Variants in AFG2A observed in about 807,000 individuals in gnomAD.
AFG2A encodes the protein ATPase family gene 2 protein homolog A.
At chr4:122,933,344 G>T in the AFG2A span, 1 of 945,876 alleles carries the variant, frequency 1.1e-6, no homozygotes, top group Non-Finnish European at 1.6e-6. Flanking sequence ...TTTTGATTAA[G>T]TCTATATTAT....
chr4:123,188,189 T>G, the AFG2A span, among the ~76,000 whole-genome samples: 3 of 152,112 alleles, frequency 2.0e-5, no homozygotes, highest in African/African-American at 7.2e-5. Flanking sequence ...GTTAAAGATT[T>G]ATATATTTTA....
At chr4:123,001,181 T>A in the AFG2A span, among the ~76,000 whole-genome samples, 1 of 150,444 alleles carries the variant, frequency 6.6e-6, no homozygotes, top group Non-Finnish European at 1.5e-5. Flanking sequence ...TGCGTTTATT[T>A]GATTCTTCTC....
chr4:123,153,382 A>G, the AFG2A span, among the ~76,000 whole-genome samples: 9 of 152,210 alleles, frequency 5.9e-5, no homozygotes, highest in Admixed American at 2.0e-4. Flanking sequence ...TTGATAGAGC[A>G]TCTCACAGGG....
At chr4:123,024,198 C>T in the AFG2A span, among the ~76,000 whole-genome samples, 3 of 128,376 alleles carry the variant, frequency 2.3e-5, no homozygotes, top group Admixed American at 9.0e-5. Context: ...GGATCTAGAA[C>T]GAAAAGCGGT....
chr4:123,291,538 T>G, the AFG2A span, among the ~76,000 whole-genome samples: 2 of 152,214 alleles, frequency 1.3e-5, no homozygotes. Context: ...CCCTCAGCAT[T>G]TGCTTGTCTG....
chr4:123,154,377 A>G, the AFG2A span, among the ~76,000 whole-genome samples: 5 of 152,190 alleles, frequency 3.3e-5, no homozygotes, highest in Non-Finnish European at 5.9e-5. Flanking sequence ...ATATCCTTAT[A>G]AGCTCTTAAA....
the AFG2A span, among the ~76,000 whole-genome samples, chr4:123,173,340 G>GTTTTTTT: frequency 9.7e-4 from 68 of 70,308 alleles, 2 homozygotes; most frequent in African/African-American, 2.5e-3. Context: ...AAGTCCAATG[G>GTTTTTTT]TTTTTTTTTT....
chr4:122,965,322 A>G, the AFG2A span, among the ~76,000 whole-genome samples: 2 of 152,192 alleles, frequency 1.3e-5, no homozygotes, highest in Non-Finnish European at 1.5e-5. Context: ...GGACAAGATG[A>G]TGTTTGTTGT....
the AFG2A span, among the ~76,000 whole-genome samples, chr4:123,190,408 C>T: frequency 1.3e-5 from 2 of 152,142 alleles, no homozygotes; most frequent in East Asian, 1.9e-4. Context: ...AAGCAGTGTG[C>T]TTTTTGTATC....
chr4:123,001,863 A>G, the AFG2A span, among the ~76,000 whole-genome samples: 3 of 152,008 alleles, frequency 2.0e-5, no homozygotes, highest in Admixed American at 6.5e-5. Flanking sequence ...TATCCTTGTT[A>G]ACTTTCTGTC....
the AFG2A span, among the ~76,000 whole-genome samples, chr4:123,121,082 T>A: frequency 0.15 from 22,963 of 151,958 alleles, 1,943 homozygotes; most frequent in Middle Eastern, 0.28. Context: ...GGCTAATATA[T>A]GTGTTTGTGT....
chr4:122,926,568 T>G, the AFG2A span, among the ~76,000 whole-genome samples: 1 of 152,254 alleles, frequency 6.6e-6, no homozygotes, highest in Non-Finnish European at 1.5e-5. Flanking sequence ...GACAGAATAA[T>G]GTAAATCATA....
the AFG2A span, among the ~76,000 whole-genome samples, chr4:123,046,019 C>A: frequency 6.6e-6 from 1 of 151,678 alleles, no homozygotes; most frequent in Non-Finnish European, 1.5e-5. Context: ...ATCACTTGAA[C>A]CTGGGAAGCA....
chr4:123,143,438 T>C, the AFG2A span, among the ~76,000 whole-genome samples: 1 of 152,204 alleles, frequency 6.6e-6, no homozygotes, highest in East Asian at 1.9e-4. Context: ...ATCTGTGCCT[T>C]TCTTTCTAGG....
At chr4:122,925,486 T>C in the AFG2A span, among the ~76,000 whole-genome samples, 2 of 152,214 alleles carry the variant, frequency 1.3e-5, no homozygotes, top group African/African-American at 4.8e-5. Context: ...CTTCTTTACA[T>C]GGCTTCCCTA....
the AFG2A span, chr4:122,936,120 C>T: frequency 1.2e-6 from 2 of 1,603,660 alleles, no homozygotes; most frequent in Non-Finnish European, 1.7e-6. Flanking sequence ...GAGACTGAAG[C>T]AAAGTTACGT....
At chr4:123,053,081 C>A in the AFG2A span, among the ~76,000 whole-genome samples, 1 of 152,212 alleles carries the variant, frequency 6.6e-6, no homozygotes, top group Non-Finnish European at 1.5e-5. Context: ...TGGTACCCAC[C>A]CAAACTGAGG....
At chr4:123,061,938 T>G in the AFG2A span, among the ~76,000 whole-genome samples, 2 of 152,186 alleles carry the variant, frequency 1.3e-5, no homozygotes, top group Non-Finnish European at 2.9e-5. Context: ...GGATATCCTG[T>G]TAAATATGAA....
the AFG2A span, among the ~76,000 whole-genome samples, chr4:123,183,604 G>A: frequency 6.6e-6 from 1 of 152,116 alleles, no homozygotes; most frequent in Non-Finnish European, 1.5e-5. Context: ...TTATGTACAT[G>A]TTGCACATAG....
Sources: gnomAD v4.1 joint callset for allele counts (sites outside exome capture counted in the v4.1 genomes callset) on GRCh38, gnomAD v4.1.1 for gene constraint, MANE v1.5 for transcripts, NCBI Gene and HGNC (gene_info 2026-07-23, HGNC 2026-07-21) for gene names.